Variants in SFMBT2 observed in about 807,000 individuals in gnomAD.
SFMBT2 encodes scm-like with four MBT domains protein 2.
Under a neutral mutation model 110.1 loss-of-function variants are expected in SFMBT2, and 38 were observed. That is an observed-to-expected ratio of 0.35 (90% CI 0.27 to 0.45). The LOEUF (loss-of-function observed/expected upper bound fraction) is 0.45. SFMBT2 is among the 20% of genes least tolerant of loss of function. The pLI is 1.00. For synonymous variants in SFMBT2, 425 were observed against 425.4 expected, an observed-to-expected ratio of 1.00 and a Z score of 0.01; for missense variants, 1,011 against 1,094.9, an observed-to-expected ratio of 0.92 and a Z score of 1.08.
At chr10:7,396,814 G>A (rs886943987) in intron 1 of SFMBT2, among the ~76,000 whole-genome samples, 3 of 149,512 alleles carry the variant, frequency 2.0e-5, no homozygotes, top group Admixed American at 1.4e-4. Context: ...ACCAAACACC[G>A]CATGTTCTCA....
intron 4 of SFMBT2, among the ~76,000 whole-genome samples, chr10:7,300,602 C>T (rs1842530101): frequency 1.3e-5 from 2 of 152,160 alleles, no homozygotes; most frequent in African/African-American, 2.4e-5. Flanking sequence ...GTATGTCACA[C>T]ATCACAGTAT....
intron 4 of SFMBT2, among the ~76,000 whole-genome samples, chr10:7,291,244 TCA>T (rs1428093872): frequency 6.6e-6 from 1 of 152,184 alleles, no homozygotes; most frequent in African/African-American, 2.4e-5. Flanking sequence ...CCATTTTCAC[TCA>T]CACTCTAGCC....
intron 16 of SFMBT2, among the ~76,000 whole-genome samples, chr10:7,184,715 A>ATTC (rs1838344458): frequency 6.6e-6 from 1 of 152,108 alleles, no homozygotes. Flanking sequence ...AATCACCCTT[A>ATTC]TGAGACCTTT....
At chr10:7,371,864 G>A (rs1010290016) in intron 2 of SFMBT2, among the ~76,000 whole-genome samples, 2 of 151,754 alleles carry the variant, frequency 1.3e-5, no homozygotes, top group African/African-American at 4.8e-5. Flanking sequence ...AGGGGACATG[G>A]GGCCAAATAA....
chr10:7,324,544 T>G (rs1277812317), intron 4 of SFMBT2, among the ~76,000 whole-genome samples: 1 of 152,166 alleles, frequency 6.6e-6, no homozygotes, highest in Non-Finnish European at 1.5e-5. Flanking sequence ...CTCCTCATAG[T>G]CAGAGTTTAC....
chr10:7,315,700 A>G (rs1422108381), intron 4 of SFMBT2, among the ~76,000 whole-genome samples: 1 of 152,196 alleles, frequency 6.6e-6, no homozygotes, highest in Non-Finnish European at 1.5e-5. Flanking sequence ...ACTAGTCCAT[A>G]TGCCAAATAA....
intron 9 of SFMBT2, among the ~76,000 whole-genome samples, chr10:7,230,899 T>C (rs978516369): frequency 6.6e-6 from 1 of 152,024 alleles, no homozygotes; most frequent in African/African-American, 2.4e-5. Context: ...ACCACTGCAC[T>C]CCAGCCTGGG....
intron 4 of SFMBT2, chr10:7,320,456 A>G (rs772453805): frequency 1.1e-5 from 4 of 370,932 alleles, no homozygotes; most frequent in Non-Finnish European, 1.5e-5. Flanking sequence ...GATTGGAAAA[A>G]ATGAGCTTAT....
chr10:7,329,342 A>C (rs1843494390), intron 4 of SFMBT2, among the ~76,000 whole-genome samples: 1 of 152,216 alleles, frequency 6.6e-6, no homozygotes, highest in Non-Finnish European at 1.5e-5. Flanking sequence ...CCCTTCCTGC[A>C]CGGAGGTTCT....
At chr10:7,344,368 G>A (rs2131991977) in intron 4 of SFMBT2, among the ~76,000 whole-genome samples, 1 of 152,198 alleles carries the variant, frequency 6.6e-6, no homozygotes, top group East Asian at 1.9e-4. Context: ...CTGGTATCCT[G>A]ATAGTGAGTA....
Position 7,171,995 on chromosome 10 carries a change from C to G in SFMBT2, c.2315G>C (p.Arg772Pro). The change falls in exon 19 of 21, where the codon CGG becomes CCG. Residue 772 changes from arginine to proline, a missense_variant. By Grantham distance (103) the Arg-to-Pro change is moderately radical (BLOSUM62 -2). Coordinates refer to ENST00000397167, the MANE Select transcript of SFMBT2 (RefSeq NM_001387889.1). The surrounding 1 kb of genome is among the most constrained non-coding windows in gnomAD (Gnocchi z 4.9). Reference sequence around the variant, plus strand: ...CCTTCGTGTCCTCTCTGGGGGTGGCCGGCGCACGGGCTCTGAGCCGCTCCG... The same window carrying G: ...CCTTCGTGTCCTCTCTGGGGGTGGCGGGCGCACGGGCTCTGAGCCGCTCCG... ...TLRSGSEPVRRPPPERTRRGR... is the reference protein window; with the variant it reads ...TLRSGSEPVRPPPPERTRRGR... 6.4e-7 allele frequency: 1 copy of G among 1,554,292 alleles called. No homozygotes were observed. The highest frequency in any genetic ancestry group is 8.7e-7 in the Non-Finnish European group (1 of 1,153,578).
chr10:7,176,592 T>C, intron 16 of SFMBT2: 1 of 706,504 alleles, frequency 1.4e-6, no homozygotes, highest in Non-Finnish European at 1.7e-6. Context: ...TTGAAAACCA[T>C]GCAAATTCAG....
At chr10:7,205,459 A>C (rs1839098536) in intron 12 of SFMBT2, 1 of 985,182 alleles carries the variant, frequency 1.0e-6, no homozygotes, top group Non-Finnish European at 1.2e-6. Flanking sequence ...GAGAAGCTAC[A>C]TGAGAAAAAT....
intron 9 of SFMBT2, among the ~76,000 whole-genome samples, chr10:7,240,335 A>G (rs984029003): frequency 6.6e-6 from 1 of 152,206 alleles, no homozygotes; most frequent in Admixed American, 6.5e-5. Flanking sequence ...ACATCAGTTC[A>G]TAGAGACGTC....
At chr10:7,256,837 C>A (rs149541175) in intron 7 of SFMBT2, among the ~76,000 whole-genome samples, 9 of 152,268 alleles carry the variant, frequency 5.9e-5, no homozygotes, top group African/African-American at 2.2e-4. Context: ...GATGTGATTG[C>A]TGACCCTGAG....
intron 9 of SFMBT2, among the ~76,000 whole-genome samples, chr10:7,236,408 AG>A (rs1840256104): frequency 2.0e-5 from 3 of 152,200 alleles, no homozygotes; most frequent in African/African-American, 7.2e-5. Flanking sequence ...ATTATTATAA[AG>A]TAATAACAAT....
At position 7,240,089 on chromosome 10, in the gene SFMBT2, G is replaced by A. The variant is rs541397993; in HGVS notation, c.1120+3469C>T. Among the ~76,000 whole-genome samples the A allele has an allele frequency of 2.6e-5, 4 of 151,882 alleles. No homozygotes were observed. The East Asian group carries it at 7.7e-4, about 29-fold the overall frequency. On this transcript the variant is annotated intron_variant, in intron 9 of 20. Transcript: ENST00000397167. ...GTAACACATTTATTTAGATAGAAAA[G>A]AAAAAAAGATAAAAATGGTATTGTT...
At chr10:7,366,790 C>G (rs1015710023) in intron 4 of SFMBT2, among the ~76,000 whole-genome samples, 1 of 152,226 alleles carries the variant, frequency 6.6e-6, no homozygotes, top group Admixed American at 6.5e-5. Context: ...CTCAGCACTG[C>G]TGGCAGGCTG....
chr10:7,247,183 C>G (rs1231531421), intron 8 of SFMBT2, among the ~76,000 whole-genome samples: 10 of 152,164 alleles, frequency 6.6e-5, no homozygotes, highest in African/African-American at 2.4e-4. Context: ...GTGGCAAGAT[C>G]TCAGCTCACT....
Sources: gnomAD v4.1 joint callset for allele counts (sites outside exome capture counted in the v4.1 genomes callset) on GRCh38, gnomAD v4.1.1 for gene constraint, Gnocchi (gnomAD v3.1) non-coding constraint, MANE v1.5 for transcripts, NCBI Gene and HGNC (gene_info 2026-07-23, HGNC 2026-07-21) for gene names.